The following SCAF11 variants were observed in gnomAD, a reference collection of about 807,000 sequenced individuals.
SCAF11 encodes the protein SR-related CTD associated factor 11, also known as protein SCAF11.
In SCAF11, 47 loss-of-function variants were observed where a neutral mutation model predicts 140.5. That is an observed-to-expected ratio of 0.33 (90% CI 0.26 to 0.43). SCAF11 has a LOEUF of 0.43. Among genes scored for constraint, SCAF11 ranks in the 20% least tolerant of loss-of-function variants. The pLI is 1.00. For synonymous variants in SCAF11, 557 were observed against 579.4 expected, an observed-to-expected ratio of 0.96 and a Z score of 0.55; for missense variants, 1,645 against 1,705.1, an observed-to-expected ratio of 0.96 and a Z score of 0.62.
At position 45,919,546 on chromosome 12, in the gene SCAF11, A is replaced by C. The variant is rs1178543302; in HGVS notation, c.*2502T>G. 1 of 152,274 alleles carries C rather than the reference A, an allele frequency of 6.6e-6. No homozygotes were observed. Among genetic ancestry groups the C allele is most frequent in the African/African-American group, 2.4e-5 (1 of 41,472 alleles). 9.4% of individuals were successfully genotyped at this position (152,274 alleles called of 1,614,324 possible). On this transcript the variant is annotated 3_prime_UTR_variant, in exon 15 of 15. Transcript: ENST00000369367. The stretch of plus-strand genomic sequence containing the variant: ...AATGTAACTCCACAAAATGTTTCTG[A>C]TTAAGTTTGTGCCCATGCAAAATTA...
intron 5 of SCAF11, among the ~76,000 whole-genome samples, chr12:45,947,487 G>C (rs1031384299): frequency 2.0e-5 from 3 of 152,206 alleles, no homozygotes; most frequent in Admixed American, 6.5e-5. Flanking sequence ...AAAGCAGTAC[G>C]TGAAGGTTAA....
At chr12:45,985,615 A>C (rs1249413923) in intron 1 of SCAF11, among the ~76,000 whole-genome samples, 6 of 152,204 alleles carry the variant, frequency 3.9e-5, no homozygotes, top group Admixed American at 6.5e-5. Context: ...ATGGACTAAC[A>C]CAGTCAACAT....
chr12:45,988,349 A>G (rs571381134), intron 1 of SCAF11, among the ~76,000 whole-genome samples: 72 of 152,328 alleles, frequency 4.7e-4, no homozygotes, highest in Admixed American at 4.0e-3. Flanking sequence ...GTTCAGTATT[A>G]AGTTGATGGG....
intron 5 of SCAF11, 21 bp from the exon 6 acceptor site, chr12:45,945,334 A>G: frequency 2.8e-6 from 4 of 1,422,306 alleles, no homozygotes; most frequent in Non-Finnish European, 3.9e-6. Flanking sequence ...CAATAAAGAC[A>G]GGAAAGAATT....
At chr12:45,974,550 C>T (rs1946188207) in intron 1 of SCAF11, 1 of 189,946 alleles carries the variant, frequency 5.3e-6, no homozygotes, top group Admixed American at 5.5e-5. Flanking sequence ...CACATTCCAT[C>T]TCAAGAAACC....
intron 1 of SCAF11, among the ~76,000 whole-genome samples, chr12:45,986,624 T>C (rs1341496141): frequency 6.6e-6 from 1 of 152,194 alleles, no homozygotes; most frequent in Non-Finnish European, 1.5e-5. Flanking sequence ...TTATACTGCT[T>C]GATATGGTTT....
chr12:45,963,452 T>C (rs1038512416), intron 2 of SCAF11, among the ~76,000 whole-genome samples: 1 of 150,980 alleles, frequency 6.6e-6, no homozygotes, highest in Non-Finnish European at 1.5e-5. Flanking sequence ...TTCAAAGTGC[T>C]AAGAGAAAAA....
chr12:45,925,819 T>G (rs566582526), intron 11 of SCAF11, among the ~76,000 whole-genome samples: 36 of 152,094 alleles, frequency 2.4e-4, no homozygotes, highest in Non-Finnish European at 4.4e-4. Flanking sequence ...ATCAAAAAAA[T>G]TAAAAGTGTA....
intron 1 of SCAF11, among the ~76,000 whole-genome samples, chr12:45,990,064 G>A (rs1032000966): frequency 2.0e-5 from 3 of 151,942 alleles, no homozygotes; most frequent in African/African-American, 7.2e-5. Context: ...AGGAGGAAAT[G>A]GGACAGAGTG....
chr12:45,930,440 G>GT (rs1945013237), intron 10 of SCAF11, among the ~76,000 whole-genome samples: 2 of 140,442 alleles, frequency 1.4e-5, no homozygotes, highest in African/African-American at 5.6e-5. Flanking sequence ...TTTGCGTTGT[G>GT]TTTTGTTTTT....
At chr12:45,924,470 A>T (rs1431444754) in intron 12 of SCAF11, among the ~76,000 whole-genome samples, 1 of 152,196 alleles carries the variant, frequency 6.6e-6, no homozygotes, top group East Asian at 1.9e-4. Context: ...TAATATGAAT[A>T]AAAAAATCCT....
chr12:45,988,847 ATAT>A (rs1946523707), intron 1 of SCAF11, among the ~76,000 whole-genome samples: 1 of 152,224 alleles, frequency 6.6e-6, no homozygotes, highest in Admixed American at 6.5e-5. Context: ...GCACCAAAAA[ATAT>A]TATAGCTAAA....
chr12:45,990,564 CACCGCT>C lies in SCAF11; in HGVS notation c.-239_-234del. 1 of 1,231,436 alleles carries C rather than the reference CACCGCT, an allele frequency of 8.1e-7. No individual in the cohort carries two copies. Among genetic ancestry groups the C allele is most frequent in the Middle Eastern group, 3.1e-4 (1 of 3,216 alleles). 76.3% of individuals were successfully genotyped at this position (1,231,436 alleles called of 1,614,324 possible). A position where few individuals can be genotyped will look rare whatever the true frequency, so the allele number is the denominator to read the frequency against. On this transcript the variant is annotated 5_prime_UTR_variant, in exon 1 of 15. Coordinates refer to ENST00000369367, the MANE Select transcript of SCAF11 (RefSeq NM_004719.3). ...TTGCGCTGCTCCGCGCGGCTTAAGC[CACCGCT>C]ACTCCCCCTTCCCCCGCCTTGTCTA...
chr12:45,975,029 T>C (rs1001169095), intron 1 of SCAF11: 1 of 152,234 alleles, frequency 6.6e-6, no homozygotes, highest in Admixed American at 6.5e-5. Flanking sequence ...CTTGGATGGC[T>C]ACGTGCACTG....
intron 6 of SCAF11, among the ~76,000 whole-genome samples, chr12:45,938,535 T>C (rs1945223303): frequency 5.3e-5 from 8 of 151,888 alleles, no homozygotes. Context: ...TTTTCTTTCA[T>C]TCCTTTATTG....
At chr12:45,985,253 AACTCTG>A (rs1946437173) in intron 1 of SCAF11, among the ~76,000 whole-genome samples, 1 of 152,032 alleles carries the variant, frequency 6.6e-6, no homozygotes, top group Admixed American at 6.6e-5. Flanking sequence ...TCACCAGGAG[AACTCTG>A]ACTCATTATC....
intron 3 of SCAF11, among the ~76,000 whole-genome samples, chr12:45,959,380 T>C (rs939241761): frequency 2.6e-5 from 4 of 152,236 alleles, no homozygotes; most frequent in Non-Finnish European, 5.9e-5. Flanking sequence ...ATCGTAAGTT[T>C]AGAATCCTTG....
At chr12:45,969,210 A>G (rs901910512) in intron 1 of SCAF11, among the ~76,000 whole-genome samples, 1 of 152,230 alleles carries the variant, frequency 6.6e-6, no homozygotes, top group African/African-American at 2.4e-5. Context: ...AAGAATGTAC[A>G]TTCCATTTTA....
intron 1 of SCAF11, chr12:45,974,082 C>A: frequency 2.4e-6 from 1 of 410,244 alleles, no homozygotes. Flanking sequence ...TAAAGCAAGT[C>A]ACACAAAATT....
Sources: gnomAD v4.1 joint callset for allele counts (sites outside exome capture counted in the v4.1 genomes callset) on GRCh38, gnomAD v4.1.1 for gene constraint, MANE v1.5 for transcripts, NCBI Gene and HGNC (gene_info 2026-07-23, HGNC 2026-07-21) for gene names.